PTPRK: variants seen among roughly 807,000 people sequenced by gnomAD.
The protein encoded by PTPRK is receptor-type tyrosine-protein phosphatase kappa.
Under a neutral mutation model 178.0 loss-of-function variants are expected in PTPRK, and 75 were observed. That is an observed-to-expected ratio of 0.42 (90% CI 0.35 to 0.51). The LOEUF is 0.51. Ranked by LOEUF, PTPRK falls within the 20% of genes least tolerant of loss-of-function variation. The pLI is 0.02. For missense variants in PTPRK, 1,441 were observed against 1,797.8 expected, an observed-to-expected ratio of 0.80 and a Z score of 3.59; for synonymous variants, 637 against 620.6, an observed-to-expected ratio of 1.03 and a Z score of -0.39.
intron 3 of PTPRK, among the ~76,000 whole-genome samples, chr6:128,297,779 A>T (rs988683549): frequency 6.6e-6 from 1 of 152,188 alleles, no homozygotes; most frequent in African/African-American, 2.4e-5. Flanking sequence ...AGCAGGAAAG[A>T]TCCAAAATTG....
intron 2 of PTPRK, among the ~76,000 whole-genome samples, chr6:128,388,159 A>G (rs541750280): frequency 6.6e-6 from 1 of 152,326 alleles, no homozygotes; most frequent in Admixed American, 6.5e-5. Context: ...CTATGCTAAC[A>G]TATCTATATC....
chr6:128,093,550 G>A (rs1328799329), intron 7 of PTPRK, among the ~76,000 whole-genome samples: 4 of 116,200 alleles, frequency 3.4e-5, no homozygotes, highest in Admixed American at 2.5e-4. Context: ...AGCCGAGATC[G>A]CACCACTGCA....
intron 13 of PTPRK, among the ~76,000 whole-genome samples, chr6:128,028,469 C>G (rs1000342292): frequency 6.6e-6 from 1 of 152,176 alleles, no homozygotes; most frequent in Non-Finnish European, 1.5e-5. Flanking sequence ...TACATTTTAG[C>G]CTAATTTCTT....
At chr6:128,261,189 T>A (rs1354485659) in intron 3 of PTPRK, among the ~76,000 whole-genome samples, 1 of 152,144 alleles carries the variant, frequency 6.6e-6, no homozygotes, top group Admixed American at 6.6e-5. Context: ...CCCATCAATT[T>A]TTGTTCAAAC....
chr6:128,385,965 T>G (rs1050011514), intron 2 of PTPRK, among the ~76,000 whole-genome samples: 1 of 152,214 alleles, frequency 6.6e-6, no homozygotes, highest in African/African-American at 2.4e-5. Context: ...AAATATAACT[T>G]AAAGGAACTC....
intron 7 of PTPRK, among the ~76,000 whole-genome samples, chr6:128,112,628 G>A (rs1790856981): frequency 6.6e-6 from 1 of 152,130 alleles, no homozygotes; most frequent in Non-Finnish European, 1.5e-5. Flanking sequence ...GTCTGGGCTG[G>A]CAATTGCCCT....
At chr6:128,166,157 T>C (rs1799363005) in intron 7 of PTPRK, among the ~76,000 whole-genome samples, 1 of 151,680 alleles carries the variant, frequency 6.6e-6, no homozygotes, top group Non-Finnish European at 1.5e-5. Context: ...CAAAGAGATA[T>C]TCACAAGGAT....
At chr6:128,395,133 A>G (rs952480312) in intron 2 of PTPRK, among the ~76,000 whole-genome samples, 1 of 152,202 alleles carries the variant, frequency 6.6e-6, no homozygotes, top group African/African-American at 2.4e-5. Context: ...TTTATGAGCA[A>G]GGAATATTCA....
At chr6:128,469,632 G>A (rs931819158) in intron 1 of PTPRK, among the ~76,000 whole-genome samples, 4 of 151,984 alleles carry the variant, frequency 2.6e-5, no homozygotes, top group African/African-American at 7.2e-5. Context: ...TGAATAATGC[G>A]CCCCCAACAA....
At position 128,169,676 on chromosome 6, in the gene PTPRK, T is replaced by C. The variant is rs560988988; in HGVS notation, c.1162+14756A>G. Among the ~76,000 whole-genome samples, 6 of 152,192 alleles carry C rather than the reference T, an allele frequency of 3.9e-5. 1 individual carries two copies. In the East Asian group the frequency reaches 1.2e-3, roughly 29 times the overall value. On this transcript the variant is annotated intron_variant, in intron 7 of 29. Coordinates refer to ENST00000368226, the MANE Select transcript of PTPRK (RefSeq NM_002844.4). Reference sequence around the variant, plus strand: ...GATTAAGACGTTACACAAATAACTTTAATGGCTAAAAAATGCTTAATACAT... The same window carrying C: ...GATTAAGACGTTACACAAATAACTTCAATGGCTAAAAAATGCTTAATACAT...
chr6:128,071,236 C>T (rs1363390044), intron 11 of PTPRK, among the ~76,000 whole-genome samples: 2 of 151,800 alleles, frequency 1.3e-5, no homozygotes, highest in African/African-American at 2.4e-5. Flanking sequence ...CAGTTTAAAA[C>T]GACAACAAAA....
chr6:128,520,421 T>C lies in PTPRK; in HGVS notation c.-63A>G, dbSNP rs1858883982. ...AGCTGCCGGGGGGATCGCCGCGAAA[T>C]CCACGACGGAGGAGCGGGCCGGGCC... On this transcript the variant is annotated 5_prime_UTR_variant, in exon 1 of 30. Transcript: ENST00000368226. 5 of 1,499,574 alleles carry C rather than the reference T, an allele frequency of 3.3e-6. No individual in the cohort carries two copies. The Admixed American group carries it at 7.8e-5, about 23-fold the overall frequency. 92.9% of individuals were successfully genotyped at this position (1,499,574 alleles called of 1,614,324 possible).
intron 6 of PTPRK, among the ~76,000 whole-genome samples, chr6:128,194,108 C>T (rs971418877): frequency 8.3e-5 from 12 of 144,184 alleles, no homozygotes; most frequent in Non-Finnish European, 1.4e-4. Context: ...TATTAGGAAA[C>T]GGAGTCTTGC....
At chr6:128,048,424 A>C (rs968418374) in intron 13 of PTPRK, among the ~76,000 whole-genome samples, 1 of 152,184 alleles carries the variant, frequency 6.6e-6, no homozygotes, top group African/African-American at 2.4e-5. Flanking sequence ...AAGGTTCCGC[A>C]TATGTTCCCT....
intron 2 of PTPRK, among the ~76,000 whole-genome samples, chr6:128,397,153 C>T (rs535387217): frequency 6.6e-6 from 1 of 152,284 alleles, no homozygotes; most frequent in South Asian, 2.1e-4. Context: ...AACCTCTCTC[C>T]TTACAATGTA....
chr6:128,443,196 A>G (rs1221471625), intron 1 of PTPRK, among the ~76,000 whole-genome samples: 3 of 152,198 alleles, frequency 2.0e-5, no homozygotes, highest in African/African-American at 7.2e-5. Context: ...GGTTATCAGT[A>G]CACCGTCTTT....
chr6:127,987,192 ATTT>A (rs566583852), intron 21 of PTPRK, among the ~76,000 whole-genome samples: 2 of 145,872 alleles, frequency 1.4e-5, no homozygotes, highest in Non-Finnish European at 3.0e-5. Flanking sequence ...CTATTCCCTG[ATTT>A]TTTTTTTAAT....
intron 1 of PTPRK, among the ~76,000 whole-genome samples, chr6:128,464,634 T>TATATATAC (rs1187260110): frequency 2.4e-5 from 1 of 40,908 alleles, no homozygotes; most frequent in African/African-American, 1.7e-4. Context: ...TATATATATA[T>TATATATAC]ACACATATAT....
intron 13 of PTPRK, among the ~76,000 whole-genome samples, chr6:128,042,997 C>T (rs1444760099): frequency 1.3e-5 from 2 of 151,688 alleles, no homozygotes; most frequent in South Asian, 2.1e-4. Flanking sequence ...TCACTTAATG[C>T]GACATTCCTA....
Sources: gnomAD v4.1 joint callset for allele counts (sites outside exome capture counted in the v4.1 genomes callset) on GRCh38, gnomAD v4.1.1 for gene constraint, MANE v1.5 for transcripts, NCBI Gene and HGNC (gene_info 2026-07-23, HGNC 2026-07-21) for gene names.